COL9A1: variants seen among roughly 807,000 people sequenced by gnomAD.
COL9A1 encodes the protein collagen alpha-1(IX) chain.
In COL9A1, 104 loss-of-function variants were observed where a neutral mutation model predicts 142.6. The ratio of observed to expected loss-of-function variants is 0.73; its 90% confidence interval spans 0.62 to 0.86. The LOEUF (loss-of-function observed/expected upper bound fraction) is 0.86, where lower values mean the gene tolerates loss of function less well. COL9A1 is among the 40% of genes least tolerant of loss of function. COL9A1 has a pLI of 0.00. For synonymous variants in COL9A1, 466 were observed against 396.0 expected (o/e 1.18, Z -2.10); for missense variants, 1,210 against 1,176.6 (o/e 1.03, Z -0.42).
chr6:70,295,866 T>C (rs773297075), intron 4 of COL9A1, among the ~76,000 whole-genome samples: 1 of 152,142 alleles, frequency 6.6e-6, no homozygotes. Context: ...CGTAGAAAAA[T>C]TCCTAAGCAA....
chr6:70,227,266 A>G (rs1769284357), intron 36 of COL9A1, among the ~76,000 whole-genome samples: 2 of 151,948 alleles, frequency 1.3e-5, no homozygotes, highest in Admixed American at 6.6e-5. Flanking sequence ...TCAAAATATG[A>G]AGGGTTCCTA....
intron 22 of COL9A1, 32 bp downstream of exon 22, chr6:70,255,305 A>AGGAG: frequency 6.2e-7 from 1 of 1,613,132 alleles, no homozygotes; most frequent in Admixed American, 1.7e-5. Context: ...ACTGAAAAGC[A>AGGAG]GGAGGCTTGG....
intron 5 of COL9A1, among the ~76,000 whole-genome samples, chr6:70,290,563 AAC>A (rs1006530925): frequency 1.3e-5 from 2 of 152,072 alleles, no homozygotes; most frequent in Non-Finnish European, 2.9e-5. Context: ...TTCCTTTTTC[AAC>A]TTAGAAAAGG....
intron 6 of COL9A1, chr6:70,283,159 G>C: frequency 4.0e-6 from 6 of 1,514,764 alleles, no homozygotes; most frequent in Non-Finnish European, 5.3e-6. Context: ...TGCAGAAAAA[G>C]CACCCCCGGG....
At chr6:70,284,378 C>T (rs189720055) in intron 5 of COL9A1, among the ~76,000 whole-genome samples, 2 of 152,124 alleles carry the variant, frequency 1.3e-5, no homozygotes, top group East Asian at 1.9e-4. Context: ...GGAGTGGTCA[C>T]AGCTTAAAAT....
chr6:70,272,240 C>T lies in COL9A1; in HGVS notation c.1066-152G>A, dbSNP rs759379719. On this transcript the variant is annotated intron_variant, in intron 12 of 37. Transcript: ENST00000357250. ...AGCACTGAATAAAGAAAAGCAAACA[C>T]GGCTCTGCTTCTACAGGAAGCAGAA... 65 of 621,034 alleles carry T rather than the reference C, an allele frequency of 1.0e-4. 1 individual carries two copies. Among genetic ancestry groups the T allele is most frequent in the Non-Finnish European group, 1.1e-4 (41 of 358,528 alleles). The allele number at this position is 621,034 out of a possible 1,614,324, so 38.5% of individuals were successfully genotyped here.
chr6:70,270,439 A>G, intron 14 of COL9A1, 72 bp from the exon 15 acceptor site: 2 of 1,421,984 alleles, frequency 1.4e-6, no homozygotes, highest in African/African-American at 1.4e-5. Context: ...CCAGTGAGGC[A>G]TAAGAGAATG....
Position 70,227,424 on chromosome 6 carries a change from T to TAAAAA in COL9A1, c.2504-1420_2504-1416dup, listed in dbSNP as rs11407353. ...CTCATAACAAAATAAATGCAAATTG[T>TAAAAA]AAAAAAAAAAAAAAAAAAAAAAAAG... On this transcript the variant is annotated intron_variant, in intron 36 of 37. Transcript: ENST00000357250. Among the ~76,000 whole-genome samples, 392 of 50,004 alleles carry TAAAAA rather than the reference T, an allele frequency of 7.8e-3. 14 individuals carry two copies. The highest frequency in any genetic ancestry group is 0.028 in the Middle Eastern group (2 of 72). The allele number at this position is 50,004 out of a possible 152,430, so 32.8% of individuals were successfully genotyped here.
intron 37 of COL9A1, among the ~76,000 whole-genome samples, chr6:70,220,138 TGTC>T (rs1768776104): frequency 6.9e-6 from 1 of 145,176 alleles, no homozygotes. Context: ...CTTTTGATGA[TGTC>T]ATCATCATCA....
chr6:70,248,670 G>A (rs764216906), intron 28 of COL9A1, among the ~76,000 whole-genome samples: 6 of 152,290 alleles, frequency 3.9e-5, no homozygotes, highest in Admixed American at 6.5e-5. Context: ...TATAGCAGGT[G>A]AGAAGTCAGT....
chr6:70,237,441 A>C (rs1206919528), intron 33 of COL9A1, among the ~76,000 whole-genome samples: 3 of 152,248 alleles, frequency 2.0e-5, no homozygotes. Context: ...TGTTAGTAAC[A>C]ATTTCCCCTG....
intron 30 of COL9A1, 49 bp from the exon 31 acceptor site, chr6:70,241,503 A>G (rs1006104991): frequency 1.3e-6 from 2 of 1,520,490 alleles, no homozygotes; most frequent in Admixed American, 1.7e-5. Flanking sequence ...AACTGTTTAT[A>G]TAATTTCAAG....
intron 37 of COL9A1, among the ~76,000 whole-genome samples, chr6:70,218,138 G>C (rs560859980): frequency 3.3e-5 from 5 of 152,200 alleles, no homozygotes; most frequent in Admixed American, 2.0e-4. Flanking sequence ...ACAAGACTTC[G>C]TCTTAAAAAT....
In COL9A1 at chr6:70,281,457, G is replaced by T. The variant is rs1032154290; in HGVS notation, c.809C>A (p.Pro270His). ...CCCGGGAGGACCCTGCTCACCCGGG[G>T]GACCTCTCTGGCAAAAATAGCAGAC... ...TPSQTTDERG[P>H]PGEQGPPGPP... The change falls in exon 8 of 38, where the codon CCC becomes CAC. Residue 270 changes from proline to histidine, a missense_variant. By Grantham distance (77) the Pro-to-His change is moderately conservative (BLOSUM62 -2). Coordinates refer to ENST00000357250, the MANE Select transcript of COL9A1 (RefSeq NM_001851.6). 10 of 1,611,790 alleles carry T rather than the reference G, an allele frequency of 6.2e-6. No individual in the cohort carries two copies. In the African/African-American group the frequency reaches 6.7e-5, roughly 11 times the overall value.
intron 36 of COL9A1, among the ~76,000 whole-genome samples, chr6:70,229,673 G>A (rs1769431750): frequency 6.6e-6 from 1 of 152,008 alleles, no homozygotes; most frequent in South Asian, 2.1e-4. Flanking sequence ...TCCAAACTGT[G>A]AATATTTAAA....
intron 10 of COL9A1, 137 bp from the exon 11 acceptor site, chr6:70,274,909 C>A (rs1772656399): frequency 2.9e-6 from 2 of 690,620 alleles, no homozygotes; most frequent in Non-Finnish European, 2.5e-6. Context: ...TAAAGAAATA[C>A]CTTACTATAG....
At chr6:70,237,909 C>T (rs538940184) in intron 33 of COL9A1, among the ~76,000 whole-genome samples, 3 of 152,134 alleles carry the variant, frequency 2.0e-5, no homozygotes, top group South Asian at 2.1e-4. Context: ...GAGGATAGAT[C>T]GAAATGCTTA....
intron 10 of COL9A1, among the ~76,000 whole-genome samples, chr6:70,276,487 C>T (rs900010280): frequency 1.3e-5 from 2 of 152,190 alleles, no homozygotes; most frequent in Admixed American, 1.3e-4. Context: ...AGTTGGATAA[C>T]CTGGAAGCTG....
chr6:70,274,148 C>G (rs1031933595), intron 11 of COL9A1, 66 bp from the exon 12 acceptor site: 1 of 1,293,998 alleles, frequency 7.7e-7, no homozygotes, highest in South Asian at 1.3e-5. Flanking sequence ...GTGAAAACTG[C>G]ATAAATATTG....
Sources: allele counts gnomAD v4.1 joint callset (sites outside exome capture counted in the v4.1 genomes callset), GRCh38; gene constraint gnomAD v4.1.1; transcripts MANE v1.5; gene names NCBI Gene and HGNC (gene_info 2026-07-23, HGNC 2026-07-21).